Variants in DLG2 observed in about 807,000 individuals in gnomAD.
The protein encoded by DLG2 is disks large homolog 2.
A neutral mutation model predicts 132.5 loss-of-function variants in DLG2; 45 were observed. The ratio of observed to expected loss-of-function variants is 0.34; its 90% CI spans 0.27 to 0.44. The LOEUF is 0.44. Ranked by LOEUF, DLG2 falls within the 20% of genes least tolerant of loss-of-function variation. The pLI is 1.00. For missense variants in DLG2, 1,045 were observed against 1,196.9 expected, an observed-to-expected ratio of 0.87 and a Z score of 1.87; for synonymous variants, 424 against 419.6, an observed-to-expected ratio of 1.01 and a Z score of -0.13.
At chr11:85,551,092 T>C (rs948965066) in intron 3 of DLG2, among the ~76,000 whole-genome samples, 1 of 152,342 alleles carries the variant, frequency 6.6e-6, no homozygotes, top group African/African-American at 2.4e-5. Flanking sequence ...GGAAGTGAGG[T>C]AAACCAGATA....
At chr11:84,867,702 T>A (rs1461562290) in intron 6 of DLG2, among the ~76,000 whole-genome samples, 4 of 152,174 alleles carry the variant, frequency 2.6e-5, no homozygotes, top group Non-Finnish European at 5.9e-5. Flanking sequence ...TCAAGGAGAC[T>A]CTTATGCTGA....
intron 6 of DLG2, among the ~76,000 whole-genome samples, chr11:84,952,829 T>C (rs2051140763): frequency 6.6e-6 from 1 of 152,212 alleles, no homozygotes; most frequent in Admixed American, 6.5e-5. Flanking sequence ...CCAATACCAA[T>C]TCAGACCTAA....
intron 7 of DLG2, among the ~76,000 whole-genome samples, chr11:84,297,462 AC>A (rs1271369236): frequency 2.0e-5 from 3 of 152,158 alleles, no homozygotes; most frequent in Non-Finnish European, 4.4e-5. Flanking sequence ...AGGAATCCAC[AC>A]TATTTAATCC....
chr11:85,599,189 A>G (rs117569596), intron 2 of DLG2, among the ~76,000 whole-genome samples: 1 of 151,964 alleles, frequency 6.6e-6, no homozygotes, highest in Non-Finnish European at 1.5e-5. Context: ...ATTTCCCACT[A>G]TATAGTCCAC....
At position 84,335,160 on chromosome 11, in the gene DLG2, C is replaced by CAAAAAA. The variant is rs58944265; in HGVS notation, c.520-83875_520-83870dup. ...GCAAGAAAGCAAGCAATAAAGAAAGCAAAAAAAAAAAAAAAAAAAGGAAGG... is the reference window on the plus strand; with the variant it reads ...GCAAGAAAGCAAGCAATAAAGAAAGCAAAAAAAAAAAAAAAAAAAAAAAAAGGAAGG... On this transcript the variant is annotated intron_variant, in intron 7 of 27. Coordinates refer to ENST00000376104, the MANE Select transcript of DLG2 (RefSeq NM_001142699.3). Among the ~76,000 whole-genome samples the CAAAAAA allele has an allele frequency of 1.6e-4, 10 of 62,672 alleles. 1 individual carries two copies. Among genetic ancestry groups the CAAAAAA allele is most frequent in the African/African-American group, 6.0e-4 (10 of 16,784 alleles). 41.1% of individuals were successfully genotyped at this position (62,672 alleles called of 152,430 possible).
At chr11:84,252,530 G>A (rs987354981) in intron 7 of DLG2, among the ~76,000 whole-genome samples, 1 of 151,950 alleles carries the variant, frequency 6.6e-6, no homozygotes, top group African/African-American at 2.4e-5. Flanking sequence ...TATTGGATAT[G>A]TTCAACTTTC....
intron 19 of DLG2, among the ~76,000 whole-genome samples, chr11:83,583,892 T>A (rs1045221446): frequency 6.6e-6 from 1 of 152,214 alleles, no homozygotes; most frequent in South Asian, 2.1e-4. Flanking sequence ...TTTTGACACA[T>A]CTATTTCTTA....
rs1191801378 is a variant in DLG2 at position 83,459,223 on chromosome 11, C to T, written c.*595G>A. 6.6e-6 allele frequency: 1 copy of T among 152,628 alleles called. No individual in the cohort carries two copies. The highest frequency in any genetic ancestry group is 1.5e-5 in the Non-Finnish European group (1 of 68,042). 9.5% of individuals were successfully genotyped at this position (152,628 alleles called of 1,614,324 possible). On this transcript the variant is annotated 3_prime_UTR_variant, in exon 28 of 28. Transcript: ENST00000376104. ...ATCCCCTCCTGTCAGTGAGGTTAGT[C>T]CTCCATACACTTGCAAATTTTATGA...
Position 83,612,554 on chromosome 11 carries a change from C to T in DLG2, c.1940+20657G>A, listed in dbSNP as rs183550147. On this transcript the variant is annotated intron_variant, in intron 19 of 27. Transcript: ENST00000376104. ...TCACCCCAGGAGTATGAGAAACATA[C>T]TCCTCACAGTAGCATGCCTCTCCTT... Among the ~76,000 whole-genome samples the T allele has an allele frequency of 9.4e-4, 143 of 152,260 alleles. 1 individual carries two copies. Among genetic ancestry groups the T allele is most frequent in the Middle Eastern group, 3.4e-3 (1 of 292 alleles).
At chr11:84,980,523 A>T (rs1053924406) in intron 6 of DLG2, among the ~76,000 whole-genome samples, 1 of 152,174 alleles carries the variant, frequency 6.6e-6, no homozygotes, top group Non-Finnish European at 1.5e-5. Context: ...ATCACATCAG[A>T]TAAGACCCTT....
chr11:84,026,795 C>T (rs994353790), intron 11 of DLG2, among the ~76,000 whole-genome samples: 3 of 151,990 alleles, frequency 2.0e-5, no homozygotes, highest in African/African-American at 7.2e-5. Flanking sequence ...AAGTTCAAAT[C>T]CCAAAATTCA....
intron 2 of DLG2, among the ~76,000 whole-genome samples, chr11:85,608,696 G>T (rs893594936): frequency 6.6e-5 from 10 of 151,992 alleles, no homozygotes; most frequent in Admixed American, 5.2e-4. Context: ...CAAGCTGTAG[G>T]GGGTGGGGAA....
At chr11:84,961,739 C>T (rs1473873466) in intron 6 of DLG2, among the ~76,000 whole-genome samples, 4 of 152,084 alleles carry the variant, frequency 2.6e-5, no homozygotes, top group African/African-American at 9.7e-5. Flanking sequence ...GCTCCTCCAC[C>T]CAAGCAACTT....
intron 6 of DLG2, among the ~76,000 whole-genome samples, chr11:84,604,990 T>C (rs1375333777): frequency 6.6e-6 from 1 of 151,966 alleles, no homozygotes; most frequent in Non-Finnish European, 1.5e-5. Flanking sequence ...ATAATATAAA[T>C]ATTTGTTTTC....
At chr11:83,834,508 A>G (rs547303386) in intron 16 of DLG2, among the ~76,000 whole-genome samples, 4 of 152,266 alleles carry the variant, frequency 2.6e-5, no homozygotes, top group African/African-American at 9.6e-5. Context: ...AAGAGGAGAG[A>G]GAGCATCTAA....
intron 6 of DLG2, among the ~76,000 whole-genome samples, chr11:84,739,474 C>T (rs1298467686): frequency 6.6e-6 from 1 of 152,152 alleles, no homozygotes; most frequent in Non-Finnish European, 1.5e-5. Context: ...ATCACTCAGA[C>T]AACTACTGTG....
intron 15 of DLG2, among the ~76,000 whole-genome samples, chr11:83,929,890 A>G (rs1392430050): frequency 2.0e-5 from 3 of 152,228 alleles, no homozygotes; most frequent in East Asian, 3.8e-4. Context: ...TTTTAGTTAA[A>G]ATATTAAATG....
At chr11:83,693,398 C>T (rs868517653) in intron 18 of DLG2, among the ~76,000 whole-genome samples, 3 of 152,106 alleles carry the variant, frequency 2.0e-5, no homozygotes, top group Admixed American at 6.5e-5. Context: ...TTTTGCCCTC[C>T]AGTCCCTTCA....
intron 14 of DLG2, among the ~76,000 whole-genome samples, chr11:83,952,986 G>C (rs1432468651): frequency 2.0e-5 from 3 of 151,878 alleles, no homozygotes; most frequent in Admixed American, 2.0e-4. Context: ...TATAAAGATG[G>C]AAAAAATATC....
Sources: gnomAD v4.1 joint callset for allele counts (sites outside exome capture counted in the v4.1 genomes callset) on GRCh38, gnomAD v4.1.1 for gene constraint, MANE v1.5 for transcripts, NCBI Gene and HGNC (gene_info 2026-07-23, HGNC 2026-07-21) for gene names.